Variants in AKAP3 observed in about 807,000 individuals in gnomAD.
AKAP3 encodes A-kinase anchoring protein 3, also known as A-kinase anchor protein 3.
Under a neutral mutation model 57.2 loss-of-function variants are expected in AKAP3, and 27 were observed. The ratio of observed to expected loss-of-function variants is 0.47; its 90% CI spans 0.35 to 0.65. The LOEUF is 0.65. Ranked by LOEUF, AKAP3 falls within the 30% of genes least tolerant of loss-of-function variation. The pLI, the probability that AKAP3 is intolerant of heterozygous loss-of-function variation, is 0.01. For missense variants in AKAP3, 959 were observed against 1,040.0 expected, an observed-to-expected ratio of 0.92 and a Z score of 1.07; for synonymous variants, 334 against 392.3, an observed-to-expected ratio of 0.85 and a Z score of 1.76.
rs1555126704 is a variant in AKAP3 at position 4,624,809 on chromosome 12, G to GGTGTGTGTGTGTGTGTGTGTGTGT, written c.2406+1686_2406+1687insACACACACACACACACACACACAC. ...TGGCTTTATCTTTAGAGTAGACAAA[G>GGTGTGTGTGTGTGTGTGTGTGTGT]GTGTGTGTGTGTGTGTATATAAAAG... is the stretch of plus-strand genomic sequence containing the variant. On this transcript the variant is annotated intron_variant, in intron 5 of 5. Coordinates refer to ENST00000228850, the MANE Select transcript of AKAP3 (RefSeq NM_001278309.2). Among the ~76,000 whole-genome samples the GGTGTGTGTGTGTGTGTGTGTGTGT allele has an allele frequency of 7.2e-3, 633 of 87,852 alleles. 5 individuals carry two copies. The highest frequency in any genetic ancestry group is 8.5e-3 in the African/African-American group (186 of 21,762). The allele number at this position is 87,852 out of a possible 152,430, so 57.6% of individuals were successfully genotyped here.
At chr12:4,636,605 ATATT>A (rs1945568775) in intron 4 of AKAP3, among the ~76,000 whole-genome samples, 2 of 45,826 alleles carry the variant, frequency 4.4e-5, no homozygotes, top group Non-Finnish European at 8.9e-5. Flanking sequence ...TAGTAATTGA[ATATT>A]TATTATCTTT....
Position 4,627,396 on chromosome 12 carries a change from G to A in AKAP3, c.1506C>T (p.Asn502=). Residue 502 remains asparagine (N), a synonymous_variant, in exon 5 of 6, where the codon AAC becomes AAT. Transcript: ENST00000228850. ...CTGGAGGATATGGAGGAAGGCTGAG[G>A]TTGCCAATATCTTCAGGGTACTCAA... ...ISFEYPEDIG[N]LSLPPYPPEK... is the part of the protein sequence containing the mutation. 1 of 1,614,020 alleles carries A rather than the reference G, an allele frequency of 6.2e-7. No homozygotes were observed.
intron 1 of AKAP3, chr12:4,648,363 T>C (rs1406050662): frequency 6.6e-6 from 1 of 152,212 alleles, no homozygotes; most frequent in Non-Finnish European, 1.5e-5. Flanking sequence ...GAATCACACT[T>C]CTGGTTAAGA....
At chr12:4,639,546 A>T (rs1453692882) in intron 3 of AKAP3, among the ~76,000 whole-genome samples, 3 of 151,826 alleles carry the variant, frequency 2.0e-5, no homozygotes, top group Non-Finnish European at 4.4e-5. Flanking sequence ...CATTTACATT[A>T]GGTATTTCTC....
At chr12:4,619,119 A>G (rs1419971844) in intron 5 of AKAP3, among the ~76,000 whole-genome samples, 1 of 152,252 alleles carries the variant, frequency 6.6e-6, no homozygotes, top group African/African-American at 2.4e-5. Context: ...AATGAAATGC[A>G]CAATGAGATA....
At chr12:4,641,208 T>C (rs1355966142) in intron 3 of AKAP3, among the ~76,000 whole-genome samples, 1 of 151,724 alleles carries the variant, frequency 6.6e-6, no homozygotes, top group Non-Finnish European at 1.5e-5. Flanking sequence ...GAGTATCTAA[T>C]TCCTTTAGAT....
At chr12:4,648,460 T>G (rs533851559) in intron 1 of AKAP3, 1 of 152,200 alleles carries the variant, frequency 6.6e-6, no homozygotes. Context: ...CCACCTTGGA[T>G]AGGATGGTCA....
chr12:4,615,749 A>G lies in AKAP3; in HGVS notation c.2552T>C (p.Val851Ala), dbSNP rs1945276382. ...TPLQLLDWLM[V>A]NL ...CAGTGGGGTTGCCGATTACAGGTTC[A>G]CCATCAGCCAGTCCAGCAGCTGCAG... is the stretch of plus-strand genomic sequence containing the variant. Residue 851 changes from valine to alanine, a missense_variant, in exon 6 of 6, where the codon GTG becomes GCG. Coordinates refer to ENST00000228850, the MANE Select transcript of AKAP3 (RefSeq NM_001278309.2). 4 of 1,613,494 alleles carry G rather than the reference A, an allele frequency of 2.5e-6. No homozygotes were observed. In the Admixed American group the frequency reaches 5.0e-5, roughly 20 times the overall value.
chr12:4,626,375 A>G, intron 5 of AKAP3, 121 bp downstream of exon 5: 1 of 1,247,318 alleles, frequency 8.0e-7, no homozygotes, highest in Non-Finnish European at 1.1e-6. Context: ...ATGATCTTCA[A>G]ATCCCACTGT....
Position 4,615,920 on chromosome 12 carries a change from G to C in AKAP3, c.2407-26C>G, listed in dbSNP as rs73039880. The C allele has an allele frequency of 5.2e-3, 8,430 of 1,613,754 alleles. 32 individuals carry two copies. Among genetic ancestry groups the C allele is most frequent in the Non-Finnish European group, 6.1e-3 (7,170 of 1,179,766 alleles). On this transcript the variant is annotated intron_variant, in intron 5 of 5. Coordinates refer to ENST00000228850, the MANE Select transcript of AKAP3 (RefSeq NM_001278309.2). ...CTGTGAAAGGAAAGAAAACACCAGT[G>C]GTGAGGCACAGCATCTCATGGCAGG...
At position 4,626,909 on chromosome 12, in the gene AKAP3, T is replaced by C. The variant is rs1174571218; in HGVS notation, c.1993A>G (p.Met665Val). 4 of 1,614,140 alleles carry C rather than the reference T, an allele frequency of 2.5e-6. No homozygotes were observed. In the South Asian group the frequency reaches 4.4e-5, roughly 18 times the overall value. The stretch of plus-strand genomic sequence containing the variant: ...AGATGTTCTACCATCTGCCCACTCA[T>C]GTGGCCATCTATCTGGCTGACAGCC... Reference protein sequence around the residue: ...KMAVSQIDGHMSGQMVEHLMN... With the variant: ...KMAVSQIDGHVSGQMVEHLMN... The change falls in exon 5 of 6, where the codon ATG becomes GTG. Residue 665 changes from methionine to valine, a missense_variant. Coordinates refer to ENST00000228850, the MANE Select transcript of AKAP3 (RefSeq NM_001278309.2).
chr12:4,621,027 G>T (rs533064598), intron 5 of AKAP3, among the ~76,000 whole-genome samples: 48 of 152,264 alleles, frequency 3.2e-4, no homozygotes, highest in African/African-American at 1.1e-3. Context: ...GGGAGAACAT[G>T]CAGAGGTGGA....
At position 4,625,993 on chromosome 12, in the gene AKAP3, G is replaced by T. The variant is rs56974867; in HGVS notation, c.2406+503C>A. Among the ~76,000 whole-genome samples the T allele has an allele frequency of 0.11, 17,245 of 151,984 alleles. 1,866 individuals are homozygous for T. Among genetic ancestry groups the T allele is most frequent in the African/African-American group, 0.27 (11,315 of 41,398 alleles). On this transcript the variant is annotated intron_variant, in intron 5 of 5. Transcript: ENST00000228850. This position sits in a 1 kb window ranked among gnomAD's most constrained non-coding sequence, Gnocchi z 5.4. ...ACTTGTCAACTGATTCAGAGCTTAG[G>T]GTAGGGGGAAGAGGGGTGTTATCCA...
At position 4,628,485 on chromosome 12, in the gene AKAP3, G is replaced by A; in HGVS notation, c.417C>T (p.Ala139=). ...CGATCTTCTCATTGATCTCTTTGCG[G>A]GCCATGGCTATGACTAGATTCGTGA... The part of the protein sequence containing the change: ...NRLTNLVIAM[A]RKEINEKIDG... Residue 139 remains alanine, a synonymous_variant, in exon 5 of 6, where the codon GCC becomes GCT. Coordinates refer to ENST00000228850, the MANE Select transcript of AKAP3 (RefSeq NM_001278309.2). 2 of 1,614,140 alleles carry A rather than the reference G, an allele frequency of 1.2e-6. No homozygotes were observed. Among genetic ancestry groups the A allele is most frequent in the Non-Finnish European group, 1.7e-6 (2 of 1,180,016 alleles).
Position 4,615,697 on chromosome 12 carries a change from C to G in AKAP3, c.*42G>C, listed in dbSNP as rs781384114. On this transcript the variant is annotated 3_prime_UTR_variant, in exon 6 of 6. Transcript: ENST00000228850. ...GAGAAAGAAGGGCGGGGATAAGGGC[C>G]GGCCCCACTGCCAGAAGAGGGGAAA... is the stretch of plus-strand genomic sequence containing the variant. 5 of 1,597,798 alleles carry G rather than the reference C, an allele frequency of 3.1e-6. No individual in the cohort carries two copies. The East Asian group carries it at 1.1e-4, about 36-fold the overall frequency.
chr12:4,630,227 A>G (rs77060617), intron 4 of AKAP3, among the ~76,000 whole-genome samples: 1,983 of 152,344 alleles, frequency 0.013, 25 homozygotes, highest in Non-Finnish European at 0.019. Flanking sequence ...AATGTTTGCC[A>G]GGCTCTGTGC....
At chr12:4,618,892 G>A (rs181643102) in intron 5 of AKAP3, among the ~76,000 whole-genome samples, 114 of 152,250 alleles carry the variant, frequency 7.5e-4, no homozygotes, top group African/African-American at 2.6e-3. Flanking sequence ...GCCACAAACT[G>A]AGAGAAAATA....
chr12:4,618,547 C>G (rs554524815), intron 5 of AKAP3, among the ~76,000 whole-genome samples: 34 of 152,336 alleles, frequency 2.2e-4, no homozygotes, highest in Non-Finnish European at 3.1e-4. Flanking sequence ...CATGGCCTTG[C>G]ATAGGTCAAG....
rs1411584876 is a variant in AKAP3, at chr12:4,628,735, A to C, written c.167T>G (p.Phe56Cys). 1.2e-6 allele frequency: 2 copies of C among 1,614,050 alleles called. No homozygotes were observed. The highest frequency in any genetic ancestry group is 2.7e-5 in the African/African-American group (2 of 74,922). The part of the protein sequence containing the change: ...RRDLEKSTAE[F>C]QDVRFKPGES... ...TCCGGGTTTGAACCGAACATCTTGG[A>C]ACTCTGCTGTACTCTTCTCCAGGTC... The change falls in exon 5 of 6, where the codon TTC (phenylalanine) becomes TGC (cysteine). Residue 56 changes from phenylalanine to cysteine, a missense_variant. Transcript: ENST00000228850.
Sources: allele counts gnomAD v4.1 joint callset (sites outside exome capture counted in the v4.1 genomes callset), GRCh38; gene constraint gnomAD v4.1.1; non-coding constraint Gnocchi (gnomAD v3.1); transcripts MANE v1.5; gene names NCBI Gene and HGNC (gene_info 2026-07-23, HGNC 2026-07-21).